MAP3K10: variants seen among roughly 807,000 people sequenced by gnomAD.
MAP3K10 encodes the protein MKN28 derived nonreceptor_type serine/threonine kinase.
In MAP3K10, 22 loss-of-function variants were observed where a neutral mutation model predicts 75.0. The observed-to-expected ratio is 0.29, with a 90% CI of 0.21 to 0.42. MAP3K10 has a LOEUF of 0.42. Among genes scored for constraint, MAP3K10 ranks in the 10% least tolerant of loss-of-function variants. The pLI is 1.00. For synonymous variants in MAP3K10, 599 were observed against 612.9 expected, an observed-to-expected ratio of 0.98 and a Z score of 0.34; for missense variants, 1,165 against 1,379.8, an observed-to-expected ratio of 0.84 and a Z score of 2.47.
intron 2 of MAP3K10, among the ~76,000 whole-genome samples, chr19:40,203,557 A>G (rs1973064287): frequency 6.6e-6 from 1 of 152,196 alleles, no homozygotes; most frequent in East Asian, 1.9e-4. Flanking sequence ...CCTGAGTCCA[A>G]GTGTGGCTCC....
At chr19:40,197,736 C>T (rs1043828780) in intron 1 of MAP3K10, among the ~76,000 whole-genome samples, 1 of 152,160 alleles carries the variant, frequency 6.6e-6, no homozygotes, top group African/African-American at 2.4e-5. Flanking sequence ...GTGATAGACA[C>T]GAGGGGGAAG....
intron 2 of MAP3K10, among the ~76,000 whole-genome samples, chr19:40,201,495 T>C (rs1349386237): frequency 8.4e-4 from 91 of 108,150 alleles, no homozygotes; most frequent in Non-Finnish European, 1.3e-3. Flanking sequence ...ACCCAGCCTT[T>C]TTTTTTTTTT....
intron 2 of MAP3K10, among the ~76,000 whole-genome samples, chr19:40,200,737 G>C (rs1165094068): frequency 6.8e-6 from 1 of 147,528 alleles, no homozygotes; most frequent in Non-Finnish European, 1.5e-5. Flanking sequence ...TTGTGCCTCA[G>C]CCTCCCGAGT....
At chr19:40,203,370 G>A (rs1973059646) in intron 2 of MAP3K10, among the ~76,000 whole-genome samples, 1 of 152,134 alleles carries the variant, frequency 6.6e-6, no homozygotes, top group Non-Finnish European at 1.5e-5. Flanking sequence ...GAATGCATGA[G>A]TGGATAGTGG....
chr19:40,193,176 G>T (rs1972849421), intron 1 of MAP3K10, among the ~76,000 whole-genome samples: 1 of 152,138 alleles, frequency 6.6e-6, no homozygotes, highest in South Asian at 2.1e-4. Flanking sequence ...TTGCTTAGCG[G>T]CATCTTTAGC....
chr19:40,197,587 A>C (rs982977929), intron 1 of MAP3K10, among the ~76,000 whole-genome samples: 3 of 151,834 alleles, frequency 2.0e-5, no homozygotes, highest in East Asian at 3.9e-4. Context: ...TAGCCTCCCA[A>C]AGTGCTGGGA....
At chr19:40,209,294 G>A in intron 6 of MAP3K10, 75 bp downstream of exon 6, 1 of 1,152,510 alleles carries the variant, frequency 8.7e-7, no homozygotes, top group East Asian at 2.4e-5. Flanking sequence ...TTTATACCTG[G>A]CACCAAGCCA....
chr19:40,213,067 A>G lies in MAP3K10; in HGVS notation c.1725-9A>G. The G allele has an allele frequency of 6.2e-7, 1 of 1,604,908 alleles. No homozygotes were observed. The highest frequency in any genetic ancestry group is 8.5e-7 in the Non-Finnish European group (1 of 1,175,788). Reference sequence around the variant, plus strand: ...GACTGAGGTCTCCATCTCTCCCTGGACCCCGCAGGCTGAAGGGGCTGGGGG... The same window carrying G: ...GACTGAGGTCTCCATCTCTCCCTGGGCCCCGCAGGCTGAAGGGGCTGGGGG... On this transcript the variant is annotated splice_polypyrimidine_tract_variant and intron_variant, in intron 7 of 9. Transcript: ENST00000253055. This position sits in a 1 kb window ranked among gnomAD's most constrained non-coding sequence, Gnocchi z 5.7.
At chr19:40,197,498 G>A (rs1056601030) in intron 1 of MAP3K10, among the ~76,000 whole-genome samples, 11 of 151,990 alleles carry the variant, frequency 7.2e-5, no homozygotes, top group Non-Finnish European at 1.6e-4. Context: ...GCTAATTTTT[G>A]TATTTTTAGT....
At chr19:40,201,794 C>CT (rs757199734) in intron 2 of MAP3K10, among the ~76,000 whole-genome samples, 11,054 of 123,308 alleles carry the variant, frequency 0.09, 638 homozygotes, top group African/African-American at 0.16. Context: ...CACACGCCAG[C>CT]TTTTTTTTTT....
chr19:40,213,089 G>C lies in MAP3K10; in HGVS notation c.1738G>C (p.Gly580Arg). 3 of 1,606,898 alleles carry C rather than the reference G, an allele frequency of 1.9e-6. No individual in the cohort carries two copies. The highest frequency in any genetic ancestry group is 2.5e-6 in the Non-Finnish European group (3 of 1,177,378). ...TGGACCCCGCAGGCTGAAGGGGCTG[G>C]GGGAAGGAAGCAAACAGTGGTCATC... ...VGGEERLKGL[G>R]EGSKQWSSSA... Residue 580 changes from glycine to arginine, a missense_variant, in exon 8 of 10, where the codon GGG becomes CGG. Transcript: ENST00000253055. This position sits in a 1 kb window ranked among gnomAD's most constrained non-coding sequence, Gnocchi z 5.7.
Position 40,207,604 on chromosome 19 carries a change from G to A in MAP3K10, c.1435+1447G>A, listed in dbSNP as rs574241317. 7.2e-5 allele frequency among the ~76,000 whole-genome samples: 11 copies of A among 151,978 alleles called. No individual in the cohort carries two copies. In the South Asian group the frequency reaches 1.5e-3, roughly 20 times the overall value. The stretch of plus-strand genomic sequence containing the variant: ...TACAAAATTAGCCGGGCGTGGTGGC[G>A]CATGCCTGTAATCCCAGCTACTCAG... On this transcript the variant is annotated intron_variant, in intron 5 of 9. Transcript: ENST00000253055.
chr19:40,194,536 C>T (rs906048856), intron 1 of MAP3K10, among the ~76,000 whole-genome samples: 18 of 152,160 alleles, frequency 1.2e-4, no homozygotes, highest in African/African-American at 3.4e-4. Flanking sequence ...ATTGACAGCA[C>T]GCCCCACACC....
Position 40,215,013 on chromosome 19 carries a change from G to A in MAP3K10, c.2586G>A (p.Gln862=). The change falls in exon 10 of 10, where the codon CAG becomes CAA. Residue 862 remains glutamine (Q), a synonymous_variant. Coordinates refer to ENST00000253055, the MANE Select transcript of MAP3K10 (RefSeq NM_002446.4). ...ACTTCCCCCGCCTGCCCGACCCCCA[G>A]GCCCTGTTCCCAGCCCGCCGCCGGC... ...LLDFPRLPDP[Q]ALFPARRRPP... is the part of the protein sequence containing the mutation. The A allele has an allele frequency of 6.6e-7, 1 of 1,516,390 alleles. No homozygotes were observed. Among genetic ancestry groups the A allele is most frequent in the Non-Finnish European group, 8.9e-7 (1 of 1,119,826 alleles). The allele number at this position is 1,516,390 out of a possible 1,614,324, so 93.9% of individuals were successfully genotyped here. A position where few individuals can be genotyped will look rare whatever the true frequency, so the allele number is the denominator to read the frequency against.
At chr19:40,194,011 C>T (rs1162969424) in intron 1 of MAP3K10, among the ~76,000 whole-genome samples, 2 of 152,102 alleles carry the variant, frequency 1.3e-5, no homozygotes, top group Non-Finnish European at 2.9e-5. Flanking sequence ...AATTGTAAGC[C>T]CCTAGAATAG....
rs753046200 is a variant in MAP3K10, at chr19:40,213,657, C to T, written c.1978C>T (p.Pro660Ser). The T allele has an allele frequency of 7.8e-7, 1 of 1,275,004 alleles. No individual in the cohort carries two copies. The highest frequency in any genetic ancestry group is 1.6e-5 in the African/African-American group (1 of 61,346). 79.0% of individuals were successfully genotyped at this position (1,275,004 alleles called of 1,614,324 possible). ...GTGGGAGCCGACGCCGTCCGCGCCC[C>T]CCGCTCGGTGGGGACACGGCGCCCG... is the stretch of plus-strand genomic sequence containing the variant. ...APWEPTPSAP[P>S]ARWGHGARRR... The change falls in exon 9 of 10, where the codon CCC becomes TCC. Residue 660 changes from proline to serine, a missense_variant. Physicochemically the swap from Pro to Ser is moderately conservative, Grantham distance 74. Transcript: ENST00000253055. The surrounding 1 kb of genome is among the most constrained non-coding windows in gnomAD (Gnocchi z 5.7).
In MAP3K10 at chr19:40,215,342, G is replaced by A. The variant is rs1201338488; in HGVS notation, c.*50G>A. 1 of 1,474,464 alleles carries A rather than the reference G, an allele frequency of 6.8e-7. No individual in the cohort carries two copies. Among genetic ancestry groups the A allele is most frequent in the South Asian group, 1.3e-5 (1 of 77,056 alleles). The allele number at this position is 1,474,464 out of a possible 1,614,324, so 91.3% of individuals were successfully genotyped here. On this transcript the variant is annotated 3_prime_UTR_variant, in exon 10 of 10. Coordinates refer to ENST00000253055, the MANE Select transcript of MAP3K10 (RefSeq NM_002446.4). The stretch of plus-strand genomic sequence containing the variant: ...GGCAGCCATGAATGTAGCGCCCCAG[G>A]CCCTGCCCCAGCCCGCCATGCCACA...
In MAP3K10 at chr19:40,192,720, G is replaced by A; in HGVS notation, c.682+7G>A. On this transcript the variant is annotated splice_region_variant and intron_variant, in intron 1 of 9. Coordinates refer to ENST00000253055, the MANE Select transcript of MAP3K10 (RefSeq NM_002446.4). The surrounding 1 kb of genome is among the most constrained non-coding windows in gnomAD (Gnocchi z 7.1). Reference sequence around the variant, plus strand: ...GACCTCAAGTCCATCAACAGTAAGTGGTGTCCTCTCCCCAAAATTCCTTCC... The same window carrying A: ...GACCTCAAGTCCATCAACAGTAAGTAGTGTCCTCTCCCCAAAATTCCTTCC... 1 of 1,526,654 alleles carries A rather than the reference G, an allele frequency of 6.6e-7. No individual in the cohort carries two copies. The highest frequency in any genetic ancestry group is 2.0e-5 in the Admixed American group (1 of 48,908). The allele number at this position is 1,526,654 out of a possible 1,614,324, so 94.6% of individuals were successfully genotyped here.
At chr19:40,199,558 A>T (rs1599902653) in intron 2 of MAP3K10, among the ~76,000 whole-genome samples, 1 of 152,306 alleles carries the variant, frequency 6.6e-6, no homozygotes, top group African/African-American at 2.4e-5. Flanking sequence ...AACAGCAAAG[A>T]GGCCCATGTG....
Sources: allele counts gnomAD v4.1 joint callset (sites outside exome capture counted in the v4.1 genomes callset), GRCh38; gene constraint gnomAD v4.1.1; non-coding constraint Gnocchi (gnomAD v3.1); transcripts MANE v1.5; gene names NCBI Gene and HGNC (gene_info 2026-07-23, HGNC 2026-07-21).